The following TSBP1 variants were observed in gnomAD, a reference collection of about 807,000 sequenced individuals.
TSBP1 encodes testis-expressed basic protein 1.
TSBP1 carries 56 observed loss-of-function variants against 68.8 expected under a neutral mutation model. The ratio of observed to expected loss-of-function variants is 0.81; its 90% confidence interval spans 0.66 to 1.02. The LOEUF (loss-of-function observed/expected upper bound fraction) is 1.02. TSBP1 is among the 50% of genes least tolerant of loss of function. The pLI, the probability that TSBP1 is intolerant of heterozygous loss-of-function variation, is 0.00. For synonymous variants in TSBP1, 171 were observed against 208.7 expected (o/e 0.82, Z 1.56); for missense variants, 502 against 641.2 (o/e 0.78, Z 2.34).
At chr6:32,355,256 C>A in intron 7 of TSBP1, 112 bp from the exon 8 acceptor site, 1 of 1,074,302 alleles carries the variant, frequency 9.3e-7, no homozygotes, top group African/African-American at 1.6e-5. Flanking sequence ...AAGTCTAGGC[C>A]CCGGGAGTCA....
chr6:32,331,308 G>A (rs1768991273), intron 15 of TSBP1, among the ~76,000 whole-genome samples: 1 of 151,934 alleles, frequency 6.6e-6, no homozygotes, highest in South Asian at 2.1e-4. Flanking sequence ...TTACACCTTT[G>A]CCTTAGGAAG....
chr6:32,370,843 G>GA (rs9281766), intron 1 of TSBP1, among the ~76,000 whole-genome samples: 124,565 of 149,884 alleles, frequency 0.83, 51,856 homozygotes, highest in South Asian at 0.92. Context: ...GATCGGGGGA[G>GA]AAAAAAAAGA....
Position 32,365,930 on chromosome 6 carries a change from C to T in TSBP1, c.217+237G>A. The T allele has an allele frequency of 1.6e-6, 1 of 633,350 alleles. No individual in the cohort carries two copies. The highest frequency in any genetic ancestry group is 1.5e-5 in the South Asian group (1 of 66,182). The allele number at this position is 633,350 out of a possible 1,614,324, so 39.2% of individuals were successfully genotyped here. A position where few individuals can be genotyped will look rare whatever the true frequency, so the allele number is the denominator to read the frequency against. On this transcript the variant is annotated intron_variant, in intron 6 of 22. Coordinates refer to ENST00000612031, the Ensembl canonical transcript of TSBP1. The surrounding 1 kb of genome is among the most constrained non-coding windows in gnomAD (Gnocchi z 4.3). Reference sequence around the variant, plus strand: ...TACTATTTTGCTGATGCCTTTCTCTCATATTACTTTTGTTAAATAATTAGG... The same window carrying T: ...TACTATTTTGCTGATGCCTTTCTCTTATATTACTTTTGTTAAATAATTAGG...
At position 32,325,772 on chromosome 6, in the gene TSBP1, T is replaced by A. The variant is rs1768151410; in HGVS notation, c.515-2158A>T. The A allele has an allele frequency of 8.7e-7, 1 of 1,146,318 alleles. No individual in the cohort carries two copies. The highest frequency in any genetic ancestry group is 1.3e-6 in the Non-Finnish European group (1 of 768,460). 71.0% of individuals were successfully genotyped at this position (1,146,318 alleles called of 1,614,324 possible). On this transcript the variant is annotated intron_variant, in intron 16 of 22. Coordinates refer to ENST00000612031, the Ensembl canonical transcript of TSBP1. The surrounding 1 kb of genome is among the most constrained non-coding windows in gnomAD (Gnocchi z 4.4). ...TAGGAAAGTCTGTCAAAGCAAGAGA[T>A]GGCTAGTGCTCCATCCAGCCGAAGA...
rs1433428793 is a variant in TSBP1 at position 32,314,927 on chromosome 6, T to C, written c.580+845A>G. ...AGCTACCTTCTTCAGACTATGCGTGTCCTCCCAGTTTAACACAGTTCCCAG... is the reference window on the plus strand; with the variant it reads ...AGCTACCTTCTTCAGACTATGCGTGCCCTCCCAGTTTAACACAGTTCCCAG... On this transcript the variant is annotated intron_variant, in intron 19 of 22. Coordinates refer to ENST00000612031, the Ensembl canonical transcript of TSBP1. The surrounding 1 kb of genome is among the most constrained non-coding windows in gnomAD (Gnocchi z 4.2). 6.6e-6 allele frequency among the ~76,000 whole-genome samples: 1 copy of C among 152,200 alleles called. No homozygotes were observed. Among genetic ancestry groups the C allele is most frequent in the African/African-American group, 2.4e-5 (1 of 41,444 alleles).
chr6:32,330,665 C>T, intron 15 of TSBP1, 56 bp from the exon 17 acceptor site: 2 of 1,461,818 alleles, frequency 1.4e-6, no homozygotes, highest in Admixed American at 2.0e-5. Context: ...CACACACACA[C>T]ACACACACAC....
In TSBP1 at chr6:32,335,915, T is replaced by A. The variant is rs1265754; in HGVS notation, c.448A>T (p.Ile150Phe). 154,625 of 1,606,862 alleles carry A rather than the reference T, an allele frequency of 0.096. 9,765 individuals carry two copies. The highest frequency in any genetic ancestry group is 0.12 in the Non-Finnish European group (140,111 of 1,175,154). ...GAGAATCAGAGAGCAAACTTACTGATAGGTCCTGTAGCTCCGGCTGTGAGA... is the reference window on the plus strand; with the variant it reads ...GAGAATCAGAGAGCAAACTTACTGAAAGGTCCTGTAGCTCCGGCTGTGAGA... The change falls in exon 13 of 23, where the codon ATC (isoleucine) becomes TTC (phenylalanine). Residue 150 changes from isoleucine to phenylalanine, a missense_variant. Ile to Phe is a conservative substitution (Grantham distance 21, BLOSUM62 0). Coordinates refer to ENST00000612031, the Ensembl canonical transcript of TSBP1. The surrounding 1 kb of genome is among the most constrained non-coding windows in gnomAD (Gnocchi z 5.5).
intron 9 of TSBP1, among the ~76,000 whole-genome samples, chr6:32,341,522 A>T (rs1485666298): frequency 6.6e-6 from 1 of 152,186 alleles, no homozygotes; most frequent in Non-Finnish European, 1.5e-5. Flanking sequence ...TCCTGACCAA[A>T]CAAAACACAT....
chr6:32,350,970 C>T (rs112285143), intron 8 of TSBP1, among the ~76,000 whole-genome samples: 31 of 152,264 alleles, frequency 2.0e-4, no homozygotes, highest in Non-Finnish European at 3.8e-4. Flanking sequence ...GTTCCTAGAA[C>T]CTCCAGAAAG....
rs865920860 is a variant in TSBP1, at chr6:32,343,396, C to T, written c.350-3758G>A. On this transcript the variant is annotated intron_variant, in intron 9 of 22. Coordinates refer to ENST00000612031, the Ensembl canonical transcript of TSBP1. The surrounding 1 kb of genome is among the most constrained non-coding windows in gnomAD (Gnocchi z 4.3). ...CCCTGTAGGTAGGCTCATAAAGTGG[C>T]CACACTTGCAAGTGATCCCATGTCT... The T allele has an allele frequency of 2.3e-6, 1 of 439,084 alleles. No homozygotes were observed. The allele number at this position is 439,084 out of a possible 1,614,324, so 27.2% of individuals were successfully genotyped here.
intron 19 of TSBP1, among the ~76,000 whole-genome samples, chr6:32,312,784 C>T (rs1766536225): frequency 6.6e-6 from 1 of 151,562 alleles, no homozygotes; most frequent in Non-Finnish European, 1.5e-5. Context: ...TTGGCTTTGC[C>T]CCCAAAATAA....
At chr6:32,303,856 G>A (rs983347809) in intron 19 of TSBP1, among the ~76,000 whole-genome samples, 1 of 152,076 alleles carries the variant, frequency 6.6e-6, no homozygotes, top group Non-Finnish European at 1.5e-5. Context: ...TTTGCATTTT[G>A]CAGTCTGTCC....
Position 32,316,612 on chromosome 6 carries a change from G to A in TSBP1, c.560-820C>T, listed in dbSNP as rs1050079874. Reference sequence around the variant, plus strand: ...GTCAGTTTCTTATCTCTTACAAAGGGGTTAGTGGAGTGATTCTAAGGATTA... The same window carrying A: ...GTCAGTTTCTTATCTCTTACAAAGGAGTTAGTGGAGTGATTCTAAGGATTA... On this transcript the variant is annotated intron_variant, in intron 18 of 22. Coordinates refer to ENST00000612031, the Ensembl canonical transcript of TSBP1. The surrounding 1 kb of genome is among the most constrained non-coding windows in gnomAD (Gnocchi z 4.5). 1.8e-4 allele frequency among the ~76,000 whole-genome samples: 28 copies of A among 152,162 alleles called. 1 individual carries two copies. The highest frequency in any genetic ancestry group is 6.5e-4 in the African/African-American group (27 of 41,428).
chr6:32,340,140 C>T lies in TSBP1; in HGVS notation c.350-502G>A, dbSNP rs1291578685. Among the ~76,000 whole-genome samples, 3 of 152,108 alleles carry T rather than the reference C, an allele frequency of 2.0e-5. No homozygotes were observed. The highest frequency in any genetic ancestry group is 4.4e-5 in the Non-Finnish European group (3 of 68,020). ...GTTTTTATTTTTGATTTATTAATTT[C>T]TGTTATTTTAATCTTTAAAACAACC... On this transcript the variant is annotated intron_variant, in intron 9 of 22. Coordinates refer to ENST00000612031, the Ensembl canonical transcript of TSBP1. This position sits in a 1 kb window ranked among gnomAD's most constrained non-coding sequence, Gnocchi z 4.8.
At chr6:32,293,779 A>T in exon 23 of TSBP1, 1 of 1,612,914 alleles carries the variant, frequency 6.2e-7, no homozygotes, top group Non-Finnish European at 8.5e-7. Context: ...TTGGTATTCC[A>T]GCGTCACTGT....
intron 4 of TSBP1, among the ~76,000 whole-genome samples, chr6:32,366,990 C>T (rs1445126983): frequency 6.6e-6 from 1 of 151,618 alleles, no homozygotes; most frequent in East Asian, 1.9e-4. Context: ...GGACAGCAAG[C>T]GAAGTGACTG....
At position 32,367,876 on chromosome 6, in the gene TSBP1, A is replaced by G. The variant is rs186248556; in HGVS notation, c.166+49T>C. 313 of 1,377,408 alleles carry G rather than the reference A, an allele frequency of 2.3e-4. 1 individual carries two copies. In the African/African-American group the frequency reaches 3.0e-3, roughly 13 times the overall value. 85.3% of individuals were successfully genotyped at this position (1,377,408 alleles called of 1,614,324 possible). On this transcript the variant is annotated intron_variant, in intron 4 of 22. Coordinates refer to ENST00000612031, the Ensembl canonical transcript of TSBP1. Reference sequence around the variant, plus strand: ...ATGGAGATGAGTTGATTCACACTCTAAAGAGTATATTCCTTCATTAACTGT... The same window carrying G: ...ATGGAGATGAGTTGATTCACACTCTGAAGAGTATATTCCTTCATTAACTGT...
In TSBP1 at chr6:32,325,865, A is replaced by G. The variant is rs1768164231; in HGVS notation, c.515-2251T>C. 1.4e-6 allele frequency: 2 copies of G among 1,446,516 alleles called. No individual in the cohort carries two copies. Among genetic ancestry groups the G allele is most frequent in the South Asian group, 1.1e-5 (1 of 87,650 alleles). The allele number at this position is 1,446,516 out of a possible 1,614,324, so 89.6% of individuals were successfully genotyped here. A position where few individuals can be genotyped will look rare whatever the true frequency, so the allele number is the denominator to read the frequency against. On this transcript the variant is annotated intron_variant, in intron 16 of 22. Transcript: ENST00000612031. This position sits in a 1 kb window ranked among gnomAD's most constrained non-coding sequence, Gnocchi z 4.4. ...GGTTTCGGTGGGAATGACAACTTTG[A>G]TCATGGAGGAAACTTCAGTGGTTGT...
chr6:32,369,597 C>G (rs1449811372), intron 2 of TSBP1, among the ~76,000 whole-genome samples: 1 of 152,154 alleles, frequency 6.6e-6, no homozygotes, highest in Non-Finnish European at 1.5e-5. Flanking sequence ...TCTTGAACTC[C>G]TGACCTTGTG....
Sources: gnomAD v4.1 joint callset for allele counts (sites outside exome capture counted in the v4.1 genomes callset) on GRCh38, gnomAD v4.1.1 for gene constraint, Gnocchi (gnomAD v3.1) non-coding constraint, MANE v1.5 for transcripts, NCBI Gene and HGNC (gene_info 2026-07-23, HGNC 2026-07-21) for gene names.